PRORP: variants seen among roughly 807,000 people sequenced by gnomAD.
PRORP encodes the protein mitochondrial ribonuclease P catalytic subunit.
In PRORP, 51 loss-of-function variants were observed where a neutral mutation model predicts 59.4. That is an observed-to-expected ratio of 0.86 (90% CI 0.69 to 1.08). The LOEUF is 1.08. PRORP is among the 50% of genes least tolerant of loss of function. The pLI is 0.00. For synonymous variants in PRORP, 231 were observed against 245.6 expected, an observed-to-expected ratio of 0.94 and a Z score of 0.55; for missense variants, 646 against 690.3, an observed-to-expected ratio of 0.94 and a Z score of 0.72.
At chr14:35,128,624 A>G (rs2047156863) in intron 4 of PRORP, among the ~76,000 whole-genome samples, 1 of 152,080 alleles carries the variant, frequency 6.6e-6, no homozygotes, top group South Asian at 2.1e-4. Flanking sequence ...TTATTGGCAT[A>G]TGGTTGCTCA....
intron 5 of PRORP, among the ~76,000 whole-genome samples, chr14:35,197,953 C>T (rs2049049274): frequency 1.3e-5 from 2 of 152,216 alleles, no homozygotes; most frequent in Non-Finnish European, 1.5e-5. Context: ...AAGATGATAA[C>T]ATGATCACTT....
chr14:35,196,305 C>T (rs1467989390), intron 5 of PRORP, among the ~76,000 whole-genome samples: 1 of 152,134 alleles, frequency 6.6e-6, no homozygotes, highest in Non-Finnish European at 1.5e-5. Context: ...TGAGACCCCC[C>T]TGCCCCCTGC....
At chr14:35,188,961 A>AAAAAAAAAAAAAAAAAAGAAAG (rs1555326788) in intron 5 of PRORP, among the ~76,000 whole-genome samples, 1 of 132,776 alleles carries the variant, frequency 7.5e-6, no homozygotes, top group Non-Finnish European at 1.6e-5. Context: ...AAAAAAAAAA[A>AAAAAAAAAAAAAAAAAAGAAAG]AAAGTATTGC....
At chr14:35,136,184 A>G (rs537423385) in intron 4 of PRORP, among the ~76,000 whole-genome samples, 1 of 152,064 alleles carries the variant, frequency 6.6e-6, no homozygotes, top group African/African-American at 2.4e-5. Flanking sequence ...AGGAGATAAA[A>G]ATTTCACCAT....
intron 5 of PRORP, among the ~76,000 whole-genome samples, chr14:35,227,585 GTTC>G (rs1459840288): frequency 6.6e-6 from 1 of 151,976 alleles, no homozygotes; most frequent in Non-Finnish European, 1.5e-5. Flanking sequence ...AGCTTTTAAT[GTTC>G]TTCTTCCTCT....
chr14:35,258,329 C>A (rs906968121), intron 5 of PRORP, among the ~76,000 whole-genome samples: 1 of 151,954 alleles, frequency 6.6e-6, no homozygotes, highest in Non-Finnish European at 1.5e-5. Flanking sequence ...AGAGAATTAT[C>A]CTTAATCATC....
intron 5 of PRORP, among the ~76,000 whole-genome samples, chr14:35,217,465 C>A: frequency 6.8e-6 from 1 of 147,158 alleles, no homozygotes. Context: ...TGTGTCACTG[C>A]ACTCCGGCCT....
At chr14:35,245,317 T>TA (rs1294028812) in intron 5 of PRORP, among the ~76,000 whole-genome samples, 1 of 152,130 alleles carries the variant, frequency 6.6e-6, no homozygotes, top group Non-Finnish European at 1.5e-5. Flanking sequence ...ACAAGCCAAA[T>TA]ACAGGCTCAC....
chr14:35,203,866 A>G (rs940832425), intron 5 of PRORP, among the ~76,000 whole-genome samples: 1 of 152,250 alleles, frequency 6.6e-6, no homozygotes, highest in Non-Finnish European at 1.5e-5. Flanking sequence ...CCATCTCGAA[A>G]AAAAAGATAT....
intron 7 of PRORP, among the ~76,000 whole-genome samples, chr14:35,271,047 A>T (rs2051174404): frequency 6.6e-6 from 1 of 151,730 alleles, no homozygotes; most frequent in Non-Finnish European, 1.5e-5. Context: ...AGATCACGCC[A>T]CTGCACTCCA....
chr14:35,240,294 C>CTTTTTTTTTT (rs3058452), intron 5 of PRORP, among the ~76,000 whole-genome samples: 3 of 109,430 alleles, frequency 2.7e-5, no homozygotes, highest in Non-Finnish European at 5.4e-5. Flanking sequence ...TTTAAACCAT[C>CTTTTTTTTTT]TTTTTTTTTT....
intron 5 of PRORP, among the ~76,000 whole-genome samples, chr14:35,240,074 C>CAAAAA (rs773150066): frequency 9.3e-6 from 1 of 107,294 alleles, no homozygotes; most frequent in African/African-American, 4.2e-5. Flanking sequence ...GACTCCATCT[C>CAAAAA]AAAAAAAAAA....
intron 7 of PRORP, among the ~76,000 whole-genome samples, chr14:35,271,555 T>C (rs1187846867): frequency 2.0e-4 from 30 of 152,308 alleles, no homozygotes; most frequent in East Asian, 3.9e-4. Context: ...GCTAAGTAAT[T>C]TGTTTTCCCT....
At position 35,275,483 on chromosome 14, in the gene PRORP, A is replaced by C. The variant is rs2138692594; in HGVS notation, c.*1917A>C. ...AAAAGATACTGCAAAAGCTCTAATA[A>C]ATTCAGTCTGCTTATTTTCCAAATT... On this transcript the variant is annotated 3_prime_UTR_variant, in exon 8 of 8. Coordinates refer to ENST00000534898, the MANE Select transcript of PRORP (RefSeq NM_014672.4). The C allele has an allele frequency of 6.6e-6, 1 of 152,344 alleles. No individual in the cohort carries two copies. The highest frequency in any genetic ancestry group is 2.1e-4 in the South Asian group (1 of 4,826). 9.4% of individuals were successfully genotyped at this position (152,344 alleles called of 1,614,324 possible).
intron 5 of PRORP, among the ~76,000 whole-genome samples, chr14:35,216,281 G>GT (rs1212623588): frequency 6.7e-6 from 1 of 150,218 alleles, no homozygotes; most frequent in East Asian, 1.9e-4. Context: ...CATTTTATTT[G>GT]TTTTTGTCTT....
intron 5 of PRORP, among the ~76,000 whole-genome samples, chr14:35,198,888 C>G (rs1163053003): frequency 6.6e-6 from 1 of 151,752 alleles, no homozygotes; most frequent in Non-Finnish European, 1.5e-5. Context: ...AAAATTAGGC[C>G]GGGCGTGGTG....
At chr14:35,142,122 A>G (rs541617534) in intron 4 of PRORP, among the ~76,000 whole-genome samples, 1 of 144,090 alleles carries the variant, frequency 6.9e-6, no homozygotes, top group African/African-American at 2.4e-5. Context: ...CAGCTGATCC[A>G]TCCGCCTCGG....
chr14:35,151,712 G>A (rs2047755015), intron 4 of PRORP, among the ~76,000 whole-genome samples: 1 of 151,746 alleles, frequency 6.6e-6, no homozygotes, highest in South Asian at 2.1e-4. Flanking sequence ...TCTGTATAGA[G>A]TGAAAGCACC....
At chr14:35,173,222 T>C (rs2048364590) in intron 4 of PRORP, among the ~76,000 whole-genome samples, 1 of 152,190 alleles carries the variant, frequency 6.6e-6, no homozygotes, top group Non-Finnish European at 1.5e-5. Context: ...CATTTCTGTA[T>C]TTCTTTTCAT....
Sources: gnomAD v4.1 joint callset for allele counts (sites outside exome capture counted in the v4.1 genomes callset) on GRCh38, gnomAD v4.1.1 for gene constraint, MANE v1.5 for transcripts, NCBI Gene and HGNC (gene_info 2026-07-23, HGNC 2026-07-21) for gene names.